AHDC1: variants seen among roughly 807,000 people sequenced by gnomAD.
AHDC1 encodes the protein AT-hook DNA binding motif containing 1.
Under a neutral mutation model 87.9 loss-of-function variants are expected in AHDC1, and 7 were observed. The ratio of observed to expected loss-of-function variants is 0.08; its 90% CI spans 0.05 to 0.15. The LOEUF is 0.15. Among genes scored for constraint, AHDC1 ranks in the 10% least tolerant of loss-of-function variants. The pLI is 1.00. For missense variants in AHDC1, 1,841 were observed against 2,253.2 expected, an observed-to-expected ratio of 0.82 and a Z score of 3.70; for synonymous variants, 1,051 against 1,006.8, an observed-to-expected ratio of 1.04 and a Z score of -0.83.
rs2019556263 is a variant in AHDC1 at position 27,551,437 on chromosome 1, G to C, written c.679C>G (p.Pro227Ala). The C allele has an allele frequency of 6.2e-7, 1 of 1,612,698 alleles. No homozygotes were observed. Among genetic ancestry groups the C allele is most frequent in the Non-Finnish European group, 8.5e-7 (1 of 1,179,888 alleles). ...GATAAATGLP[P>A]EPEPDSTDYS... The stretch of plus-strand genomic sequence containing the variant: ...TCAGTGCTGTCTGGCTCAGGCTCTG[G>C]GGGCAGACCCGTGGCCGCAGCCGTG... The change falls in exon 8 of 9, where the codon CCA (proline) becomes GCA (alanine). Residue 227 changes from proline to alanine, a missense_variant. Coordinates refer to ENST00000673934, the MANE Select transcript of AHDC1 (RefSeq NM_001371928.1).
At position 27,548,213 on chromosome 1, in the gene AHDC1, T is replaced by G; in HGVS notation, c.3903A>C (p.Pro1301=). The G allele has an allele frequency of 6.2e-7, 1 of 1,613,564 alleles. No homozygotes were observed. Residue 1301 remains proline (P), a synonymous_variant, in exon 8 of 9, where the codon CCA becomes CCC. Transcript: ENST00000673934. Reference sequence around the variant, plus strand: ...GACTGTCCTGGAACAGTGGGTTGACTGGCTGTGGCTTGGGGATGAACTTGG... The same window carrying G: ...GACTGTCCTGGAACAGTGGGTTGACGGGCTGTGGCTTGGGGATGAACTTGG... ...AKAKFIPKPQ[P]VNPLFQDSPD...
chr1:27,547,174 A>T lies in AHDC1; in HGVS notation c.*43+87T>A. The T allele has an allele frequency of 8.5e-6, 8 of 940,234 alleles. No homozygotes were observed. Among genetic ancestry groups the T allele is most frequent in the Non-Finnish European group, 1.2e-5 (8 of 645,872 alleles). 58.2% of individuals were successfully genotyped at this position (940,234 alleles called of 1,614,324 possible). ...CTTAAATCCTGCATTTGCTTCCTGC[A>T]CTCCATACCTCTGTCCTTGCCTAAG... On this transcript the variant is annotated intron_variant, in intron 8 of 8. Coordinates refer to ENST00000673934, the MANE Select transcript of AHDC1 (RefSeq NM_001371928.1). This position sits in a 1 kb window ranked among gnomAD's most constrained non-coding sequence, Gnocchi z 4.9.
chr1:27,552,059 AG>A lies in AHDC1; in HGVS notation c.56del (p.Pro19LeufsTer98). 6.7e-7 allele frequency: 1 copy of A among 1,501,094 alleles called. No individual in the cohort carries two copies. Among genetic ancestry groups the A allele is most frequent in the Non-Finnish European group, 8.9e-7 (1 of 1,125,486 alleles). The allele number at this position is 1,501,094 out of a possible 1,614,324, so 93.0% of individuals were successfully genotyped here. ...VVTSSAVCSSPDYLREPKYYP... is the reference protein window; with the variant it reads ...VVTSSAVCSSXDYLREPKYYP... Reference sequence around the variant, plus strand: ...AGTACTTGGGTTCCCGGAGGTAGTCAGGAGAGCTGCACACGGCACTGGAAGT... The same window carrying A: ...AGTACTTGGGTTCCCGGAGGTAGTCAGAGAGCTGCACACGGCACTGGAAGT... On this transcript the variant is annotated frameshift_variant, in exon 8 of 9. Transcript: ENST00000673934. LOFTEE classifies it high-confidence loss of function.
At chr1:27,576,334 G>A (rs920896483) in intron 3 of AHDC1, among the ~76,000 whole-genome samples, 13 of 152,148 alleles carry the variant, frequency 8.5e-5, no homozygotes, top group Admixed American at 2.6e-4. Flanking sequence ...TTAAAACGAA[G>A]GGGTCTGAAA....
In AHDC1 at chr1:27,586,964, C is replaced by T. The variant is rs565287173; in HGVS notation, c.-629+16433G>A. 3.3e-5 allele frequency among the ~76,000 whole-genome samples: 5 copies of T among 152,294 alleles called. No individual in the cohort carries two copies. In the East Asian group the frequency reaches 9.6e-4, roughly 29 times the overall value. On this transcript the variant is annotated intron_variant, in intron 3 of 8. Transcript: ENST00000673934. ...AAGACCCCCCTCTTCTGTGCTGAGG[C>T]CCTGGCCCCTCATTTGGAGTGCCCC...
intron 3 of AHDC1, among the ~76,000 whole-genome samples, chr1:27,566,180 G>A (rs2020306045): frequency 6.6e-6 from 1 of 152,170 alleles, no homozygotes; most frequent in East Asian, 1.9e-4. Context: ...AGAAAGACAG[G>A]GGGCGGGAGA....
rs936753760 is a variant in AHDC1 at position 27,547,007 on chromosome 1, T to C, written c.*43+254A>G. 2.0e-5 allele frequency among the ~76,000 whole-genome samples: 3 copies of C among 152,046 alleles called. No homozygotes were observed. Among genetic ancestry groups the C allele is most frequent in the African/African-American group, 7.3e-5 (3 of 41,362 alleles). On this transcript the variant is annotated intron_variant, in intron 8 of 8. Coordinates refer to ENST00000673934, the MANE Select transcript of AHDC1 (RefSeq NM_001371928.1). This position sits in a 1 kb window ranked among gnomAD's most constrained non-coding sequence, Gnocchi z 4.9. ...GGGCCCCATCCAGTGTGTAGTCCTC[T>C]GGCCATTTCAATTCACAAGACCCCC... is the stretch of plus-strand genomic sequence containing the variant.
intron 3 of AHDC1, among the ~76,000 whole-genome samples, chr1:27,577,589 C>T (rs1171030563): frequency 6.6e-6 from 1 of 152,162 alleles, no homozygotes; most frequent in African/African-American, 2.4e-5. Flanking sequence ...CCTGCTCCCC[C>T]CACTCCCAAG....
rs963221281 is a variant in AHDC1, at chr1:27,593,554, C to T, written c.-629+9843G>A. Among the ~76,000 whole-genome samples the T allele has an allele frequency of 2.6e-4, 39 of 152,240 alleles. No homozygotes were observed. Among genetic ancestry groups the T allele is most frequent in the Non-Finnish European group, 2.9e-4 (20 of 68,028 alleles). ...TCTGGCCCTTGGTGCTGCCCCAGTC[C>T]CACAGCCACGGCTCCAGCTGGGGTC... On this transcript the variant is annotated intron_variant, in intron 3 of 8. Coordinates refer to ENST00000673934, the MANE Select transcript of AHDC1 (RefSeq NM_001371928.1). The surrounding 1 kb of genome is among the most constrained non-coding windows in gnomAD (Gnocchi z 4.9).
Position 27,590,818 on chromosome 1 carries a change from G to A in AHDC1, c.-629+12579C>T, listed in dbSNP as rs1179541790. ...TAGTGGCTGCAGCTCTTTCTTTCTC[G>A]TGGGAGGGTGCAATTTCCGGAGGGG... On this transcript the variant is annotated intron_variant, in intron 3 of 8. Coordinates refer to ENST00000673934, the MANE Select transcript of AHDC1 (RefSeq NM_001371928.1). The surrounding 1 kb of genome is among the most constrained non-coding windows in gnomAD (Gnocchi z 5.4). Among the ~76,000 whole-genome samples the A allele has an allele frequency of 6.6e-6, 1 of 152,132 alleles. No homozygotes were observed. Among genetic ancestry groups the A allele is most frequent in the African/African-American group, 2.4e-5 (1 of 41,416 alleles).
intron 3 of AHDC1, among the ~76,000 whole-genome samples, chr1:27,596,301 G>C (rs1294796149): frequency 6.6e-6 from 1 of 152,096 alleles, no homozygotes; most frequent in Non-Finnish European, 1.5e-5. Context: ...TCAGATGGTC[G>C]AGGCAGGAGC....
chr1:27,545,302 T>C (rs1440690576), intron 8 of AHDC1, among the ~76,000 whole-genome samples: 1 of 152,006 alleles, frequency 6.6e-6, no homozygotes, highest in African/African-American at 2.4e-5. Context: ...TGGCTTCTAG[T>C]GGGTGCTGGA....
At chr1:27,601,496 C>A (rs545045673) in intron 3 of AHDC1, among the ~76,000 whole-genome samples, 1 of 152,246 alleles carries the variant, frequency 6.6e-6, no homozygotes, top group Admixed American at 6.5e-5. Context: ...TCTTTGCAAC[C>A]CCTGAAGAGT....
In AHDC1 at chr1:27,548,358, G is replaced by A. The variant is rs761544774; in HGVS notation, c.3758C>T (p.Ala1253Val). 8 of 1,606,620 alleles carry A rather than the reference G, an allele frequency of 5.0e-6. No homozygotes were observed. Among genetic ancestry groups the A allele is most frequent in the South Asian group, 4.4e-5 (4 of 90,946 alleles). The change falls in exon 8 of 9, where the codon GCC becomes GTC. Residue 1253 changes from alanine (A) to valine (V), a missense_variant. Around this residue, in one of 13 missense-constraint regions of AHDC1, gnomAD observed 505 missense variants for 626.2 expected, o/e 0.81. Coordinates refer to ENST00000673934, the MANE Select transcript of AHDC1 (RefSeq NM_001371928.1). ...EASHLGFPTS[A>V]SAAASGYPSK... ...TGGGTAGCCTGAGGCAGCGGCAGAG[G>A]CGGATGTCGGGAAGCCCAGATGTGA...
rs1376884689 is a variant in AHDC1, at chr1:27,590,719, C to T, written c.-629+12678G>A. Among the ~76,000 whole-genome samples, 1 of 152,138 alleles carries T rather than the reference C, an allele frequency of 6.6e-6. No homozygotes were observed. The highest frequency in any genetic ancestry group is 1.5e-5 in the Non-Finnish European group (1 of 68,034). On this transcript the variant is annotated intron_variant, in intron 3 of 8. Coordinates refer to ENST00000673934, the MANE Select transcript of AHDC1 (RefSeq NM_001371928.1). The surrounding 1 kb of genome is among the most constrained non-coding windows in gnomAD (Gnocchi z 5.4). ...GTTGGGGAAACTGAGGCAGTGAAGC[C>T]CTCCGCCCTACTCATCACAATGAGT...
intron 3 of AHDC1, among the ~76,000 whole-genome samples, chr1:27,589,787 G>A (rs531813854): frequency 6.6e-6 from 1 of 152,268 alleles, no homozygotes; most frequent in South Asian, 2.1e-4. Context: ...ATAAAATCAC[G>A]CTCCCATAAT....
At chr1:27,538,694 T>C (rs1211724142) in intron 8 of AHDC1, among the ~76,000 whole-genome samples, 1 of 152,062 alleles carries the variant, frequency 6.6e-6, no homozygotes. Flanking sequence ...ATTTTATTTT[T>C]TGAAAAGACA....
chr1:27,587,726 C>G (rs1244382999), intron 3 of AHDC1, among the ~76,000 whole-genome samples: 1 of 152,170 alleles, frequency 6.6e-6, no homozygotes, highest in East Asian at 1.9e-4. Flanking sequence ...TGATGTCCCC[C>G]CATGTCCAAG....
rs759707632 is a variant in AHDC1, at chr1:27,550,830, G to A, written c.1286C>T (p.Pro429Leu). 1 of 1,564,934 alleles carries A rather than the reference G, an allele frequency of 6.4e-7. No individual in the cohort carries two copies. The highest frequency in any genetic ancestry group is 1.2e-5 in the South Asian group (1 of 86,620). The change falls in exon 8 of 9, where the codon CCC becomes CTC. Residue 429 changes from proline to leucine, a missense_variant. By Grantham distance (98) the Pro-to-Leu change is moderately conservative (BLOSUM62 -3). Coordinates refer to ENST00000673934, the MANE Select transcript of AHDC1 (RefSeq NM_001371928.1). ...PTGLVAALAE[P>L]PPPPPPPPPA... ...GGGTGGAGGAGGCGGTGGTGGTGGGGGTTCGGCCAGGGCAGCCACCAGCCC... is the reference window on the plus strand; with the variant it reads ...GGGTGGAGGAGGCGGTGGTGGTGGGAGTTCGGCCAGGGCAGCCACCAGCCC...
Sources: allele counts gnomAD v4.1 joint callset (sites outside exome capture counted in the v4.1 genomes callset), GRCh38; gene constraint gnomAD v4.1.1; regional missense constraint gnomAD v4.1.1; non-coding constraint Gnocchi (gnomAD v3.1); transcripts MANE v1.5; gene names NCBI Gene and HGNC (gene_info 2026-07-23, HGNC 2026-07-21).